The following PER3 variants were observed in gnomAD, a reference collection of about 807,000 sequenced individuals.
The protein encoded by PER3 is period circadian protein homolog 3.
In PER3, 107 loss-of-function variants were observed where a neutral mutation model predicts 127.2. The observed-to-expected ratio is 0.84, with a 90% CI of 0.72 to 0.99. The LOEUF is 0.99. PER3 is among the 50% of genes least tolerant of loss of function. The pLI is 0.00. For missense variants in PER3, 1,560 were observed against 1,525.8 expected, an observed-to-expected ratio of 1.02 and a Z score of -0.37; for synonymous variants, 618 against 585.8, an observed-to-expected ratio of 1.05 and a Z score of -0.79.
chr1:7,793,314 C>T (rs2097130303), intron 5 of PER3, among the ~76,000 whole-genome samples: 1 of 152,122 alleles, frequency 6.6e-6, no homozygotes, highest in Non-Finnish European at 1.5e-5. Context: ...GAATTATCAC[C>T]TCATAAATCA....
At chr1:7,827,097 C>T in intron 17 of PER3, 21 bp from the exon 18 acceptor site, 1 of 1,534,570 alleles carries the variant, frequency 6.5e-7, no homozygotes, top group Non-Finnish European at 8.8e-7. Flanking sequence ...CCATAATTTG[C>T]CTCTACCTTT....
At chr1:7,802,068 C>T (rs1453896665) in intron 8 of PER3, among the ~76,000 whole-genome samples, 1 of 152,128 alleles carries the variant, frequency 6.6e-6, no homozygotes, top group African/African-American at 2.4e-5. Flanking sequence ...AAATATAATT[C>T]TAAAAATAGC....
chr1:7,784,990 CGGACAGCAGCCACA>C lies in PER3; in HGVS notation c.116_128+1del. On this transcript the variant is annotated frameshift_variant and splice_region_variant, in exon 2 of 22. Transcript: ENST00000377532. LOFTEE classifies it high-confidence loss of function. ...GAGTTCCATCTGCAGAGGAAATTGG[CGGACAGCAGCCACA>C]GGTGACGCGCTGGCTTCAGGCCGAG... 1 of 1,568,232 alleles carries C rather than the reference CGGACAGCAGCCACA, an allele frequency of 6.4e-7. No homozygotes were observed. The highest frequency in any genetic ancestry group is 2.4e-5 in the East Asian group (1 of 40,854).
intron 7 of PER3, among the ~76,000 whole-genome samples, chr1:7,799,833 G>A (rs920215288): frequency 4.1e-4 from 62 of 151,326 alleles, no homozygotes; most frequent in African/African-American, 1.4e-3. Flanking sequence ...GCAGTGTGTG[G>A]TCATGGCTCA....
chr1:7,844,400 TA>T lies in PER3; in HGVS notation c.*1646del, dbSNP rs1444556072. On this transcript the variant is annotated 3_prime_UTR_variant, in exon 22 of 22. Coordinates refer to ENST00000377532, the MANE Select transcript of PER3 (RefSeq NM_001377275.1). ...TGTGTGTGTTGATCAGGTTGTGTGA[TA>T]TTTTTGCTTGATAGAGAATCAAATT... 22 of 152,480 alleles carry T rather than the reference TA, an allele frequency of 1.4e-4. No individual in the cohort carries two copies. Among genetic ancestry groups the T allele is most frequent in the African/African-American group, 5.1e-4 (21 of 41,450 alleles). 9.4% of individuals were successfully genotyped at this position (152,480 alleles called of 1,614,324 possible).
chr1:7,842,522 A>T (rs935544179), intron 21 of PER3, 150 bp from the exon 22 acceptor site: 2 of 703,268 alleles, frequency 2.8e-6, no homozygotes, highest in Non-Finnish European at 1.9e-6. Flanking sequence ...AAAAATAGTT[A>T]TAATAATAAT....
At chr1:7,787,084 T>C (rs2097095250) in intron 4 of PER3, 1 of 393,360 alleles carries the variant, frequency 2.5e-6, no homozygotes, top group African/African-American at 2.0e-5. Context: ...TTCTAGCTCC[T>C]TAGCATTCCC....
At chr1:7,798,465 G>T in intron 6 of PER3, 60 bp from the exon 7 acceptor site, 1 of 1,328,720 alleles carries the variant, frequency 7.5e-7, no homozygotes. Flanking sequence ...TCCCAGCCTT[G>T]TTTCGCCATG....
At chr1:7,835,670 A>G (rs966150459) in intron 19 of PER3, 92 bp from the exon 20 acceptor site, 4 of 841,384 alleles carry the variant, frequency 4.8e-6, no homozygotes, top group African/African-American at 1.7e-5. Flanking sequence ...GAGGAGGAGG[A>G]CTGTCCGAGG....
chr1:7,838,097 G>A (rs1405613695), intron 21 of PER3, among the ~76,000 whole-genome samples: 1 of 151,926 alleles, frequency 6.6e-6, no homozygotes, highest in African/African-American at 2.4e-5. Context: ...TTTTAAAAAA[G>A]AGAGTAAAGT....
chr1:7,818,770 T>TA (rs1180810231), intron 13 of PER3, among the ~76,000 whole-genome samples: 4 of 152,252 alleles, frequency 2.6e-5, no homozygotes, highest in Non-Finnish European at 5.9e-5. Context: ...GTTTAATAGT[T>TA]ACGTTAGCAC....
Position 7,824,554 on chromosome 1 carries a change from T to C in PER3, c.1958-1926T>C, listed in dbSNP as rs144313203. Among the ~76,000 whole-genome samples the C allele has an allele frequency of 4.9e-3, 744 of 152,360 alleles. 9 individuals carry two copies. The highest frequency in any genetic ancestry group is 0.017 in the African/African-American group (715 of 41,594). The stretch of plus-strand genomic sequence containing the variant: ...ATGGGGTTGTATTTTCCTGCTTCTT[T>C]GCATGCCTGGTGATTCTTTCTAATT... On this transcript the variant is annotated intron_variant, in intron 16 of 21. Transcript: ENST00000377532.
At position 7,803,038 on chromosome 1, in the gene PER3, GTAT is replaced by G. The variant is rs2097177260; in HGVS notation, c.873-8_873-6del. ...AGTATGCCACCTGTGTTGTGTATCTGTATCCCAGAGCAGTGCCTTTGCTGGGTT... is the reference window on the plus strand; with the variant it reads ...AGTATGCCACCTGTGTTGTGTATCTGCCCAGAGCAGTGCCTTTGCTGGGTT... On this transcript the variant is annotated splice_region_variant and splice_polypyrimidine_tract_variant and intron_variant, in intron 8 of 21. Coordinates refer to ENST00000377532, the MANE Select transcript of PER3 (RefSeq NM_001377275.1). The G allele has an allele frequency of 6.7e-7, 1 of 1,491,888 alleles. No individual in the cohort carries two copies. Among genetic ancestry groups the G allele is most frequent in the Non-Finnish European group, 9.4e-7 (1 of 1,068,478 alleles). 92.4% of individuals were successfully genotyped at this position (1,491,888 alleles called of 1,614,324 possible). A position where few individuals can be genotyped will look rare whatever the true frequency, so the allele number is the denominator to read the frequency against.
Position 7,803,143 on chromosome 1 carries a change from A to T in PER3, c.969A>T (p.Ile323=). The T allele has an allele frequency of 6.3e-7, 1 of 1,598,286 alleles. No individual in the cohort carries two copies. The highest frequency in any genetic ancestry group is 8.6e-7 in the Non-Finnish European group (1 of 1,165,566). ...AAGATCGTTCTCTGATGGTTGCCAT[A>T]CACCAAAAAGGTCAGGACCTACTCC... ...HPEDRSLMVA[I]HQKVLKYAGH... The change falls in exon 9 of 22, where the codon ATA becomes ATT. Residue 323 remains isoleucine (I), a synonymous_variant. Transcript: ENST00000377532.
At position 7,820,577 on chromosome 1, in the gene PER3, G is replaced by C; in HGVS notation, c.1894G>C (p.Gly632Arg). The stretch of plus-strand genomic sequence containing the variant: ...CCTGTCCACGGCGATGCTGAGCTTG[G>C]GGTCGGGCATAAGCCAATGCGGTTA... ...QILSTAMLSL[G>R]SGISQCGYSS... The change falls in exon 16 of 22, where the codon GGG becomes CGG. Residue 632 changes from glycine to arginine, a missense_variant. Around this residue, in one of 3 missense-constraint regions of PER3, gnomAD observed 1,332 missense variants for 1,223.6 expected, o/e 1.09. Transcript: ENST00000377532. 6.2e-7 allele frequency: 1 copy of C among 1,614,080 alleles called. No homozygotes were observed. Among genetic ancestry groups the C allele is most frequent in the East Asian group, 2.2e-5 (1 of 44,884 alleles).
chr1:7,799,414 C>T (rs571277166), intron 7 of PER3, among the ~76,000 whole-genome samples: 1 of 151,968 alleles, frequency 6.6e-6, no homozygotes, highest in African/African-American at 2.4e-5. Flanking sequence ...ACCAGCCTGG[C>T]CAACGTGATG....
In PER3 at chr1:7,826,278, CTG is replaced by C. The variant is rs1374709225; in HGVS notation, c.1958-200_1958-199del. Among the ~76,000 whole-genome samples, 3 of 152,058 alleles carry C rather than the reference CTG, an allele frequency of 2.0e-5. No individual in the cohort carries two copies. The highest frequency in any genetic ancestry group is 4.8e-5 in the African/African-American group (2 of 41,378). On this transcript the variant is annotated intron_variant, in intron 16 of 21. Transcript: ENST00000377532. This position sits in a 1 kb window ranked among gnomAD's most constrained non-coding sequence, Gnocchi z 4.2. ...AATGTGTGCATATTGATTATCACAA[CTG>C]TAAAATGTATGTGCATTTGTGCAAA...
chr1:7,838,608 C>T (rs971690741), intron 21 of PER3, among the ~76,000 whole-genome samples: 1 of 152,118 alleles, frequency 6.6e-6, no homozygotes, highest in Non-Finnish European at 1.5e-5. Flanking sequence ...CCATGTTGGC[C>T]AGGCTGGTCT....
intron 16 of PER3, 88 bp downstream of exon 16, chr1:7,820,728 G>T: frequency 1.9e-6 from 2 of 1,026,798 alleles, no homozygotes; most frequent in South Asian, 3.7e-5. Context: ...CCATTCGCTC[G>T]GTTGTAACTT....
Sources: gnomAD v4.1 joint callset for allele counts (sites outside exome capture counted in the v4.1 genomes callset) on GRCh38, gnomAD v4.1.1 for gene constraint, gnomAD v4.1.1 regional missense constraint, Gnocchi (gnomAD v3.1) non-coding constraint, MANE v1.5 for transcripts, NCBI Gene and HGNC (gene_info 2026-07-23, HGNC 2026-07-21) for gene names.